JAK1: variants seen among roughly 807,000 people sequenced by gnomAD.
JAK1 encodes the protein Janus kinase 1, also known as tyrosine-protein kinase JAK1.
A neutral mutation model predicts 136.6 loss-of-function variants in JAK1; 16 were observed. The observed-to-expected ratio is 0.12, with a 90% CI of 0.08 to 0.18. The LOEUF is 0.18. JAK1 is among the 10% of genes least tolerant of loss of function. The pLI, the probability that JAK1 is intolerant of heterozygous loss-of-function variation, is 1.00. For missense variants in JAK1, 859 were observed against 1,450.1 expected, an observed-to-expected ratio of 0.59 and a Z score of 6.62; for synonymous variants, 492 against 519.5, an observed-to-expected ratio of 0.95 and a Z score of 0.72.
chr1:65,052,118 A>ATTTTTTTTT (rs71056073), intron 1 of JAK1, among the ~76,000 whole-genome samples: 26 of 93,576 alleles, frequency 2.8e-4, no homozygotes, highest in Admixed American at 6.5e-4. Context: ...ACGCCTGGCT[A>ATTTTTTTTT]TTTTTTTTTT....
At chr1:65,024,660 CAAA>C (rs11349903) in intron 2 of JAK1, among the ~76,000 whole-genome samples, 2 of 69,860 alleles carry the variant, frequency 2.9e-5, no homozygotes, top group Non-Finnish European at 6.0e-5. Flanking sequence ...TGGTCCAAAG[CAAA>C]AAAAAAAAAA....
At chr1:64,850,602 A>C (rs1211637325) in intron 12 of JAK1, among the ~76,000 whole-genome samples, 1 of 152,248 alleles carries the variant, frequency 6.6e-6, no homozygotes, top group Non-Finnish European at 1.5e-5. Context: ...ACTTACCTCA[A>C]AACATGTCTC....
chr1:64,903,324 G>A (rs899528214), intron 1 of JAK1, among the ~76,000 whole-genome samples: 14 of 152,260 alleles, frequency 9.2e-5, no homozygotes, highest in Admixed American at 2.0e-4. Flanking sequence ...ACCGCATCTG[G>A]CCCAAAGTCT....
chr1:64,935,004 TC>T (rs1169482371), intron 1 of JAK1, among the ~76,000 whole-genome samples: 1 of 152,118 alleles, frequency 6.6e-6, no homozygotes, highest in African/African-American at 2.4e-5. Context: ...TGAGGACCAA[TC>T]TATTTCTGGC....
intron 1 of JAK1, among the ~76,000 whole-genome samples, chr1:64,943,064 TAACTC>T (rs1645919455): frequency 1.3e-5 from 2 of 152,182 alleles, no homozygotes. Context: ...TAATGGGAAA[TAACTC>T]AAAAGTCAGA....
At chr1:65,003,379 G>A (rs1254258201) in intron 2 of JAK1, 1 of 152,124 alleles carries the variant, frequency 6.6e-6, no homozygotes, top group Non-Finnish European at 1.5e-5. Context: ...TACATTTTCA[G>A]ACGGTAAAAG....
intron 1 of JAK1, among the ~76,000 whole-genome samples, chr1:64,929,896 A>C (rs1451362639): frequency 6.6e-6 from 1 of 152,226 alleles, no homozygotes; most frequent in Non-Finnish European, 1.5e-5. Context: ...CAACCATCTG[A>C]TCTTTGACGA....
chr1:64,944,113 T>C (rs1645938556), intron 1 of JAK1, among the ~76,000 whole-genome samples: 1 of 150,930 alleles, frequency 6.6e-6, no homozygotes, highest in African/African-American at 2.4e-5. Flanking sequence ...TCCCAGCTAC[T>C]TGGGAGGCTG....
At chr1:64,997,582 C>T (rs959069113) in intron 2 of JAK1, among the ~76,000 whole-genome samples, 5 of 152,152 alleles carry the variant, frequency 3.3e-5, no homozygotes, top group Non-Finnish European at 7.4e-5. Context: ...CTTAGAGCCA[C>T]GCTGGGATTA....
At chr1:64,868,010 AAG>A (rs139348914) in intron 6 of JAK1, among the ~76,000 whole-genome samples, 21 of 146,616 alleles carry the variant, frequency 1.4e-4, no homozygotes, top group Non-Finnish European at 1.7e-4. Flanking sequence ...CCCCACAAAA[AAG>A]AGAGAGAGAG....
At chr1:64,859,729 C>G (rs1656170649) in intron 9 of JAK1, 1 of 157,200 alleles carries the variant, frequency 6.4e-6, no homozygotes, top group East Asian at 1.8e-4. Context: ...ACCTCAGCCT[C>G]TCAAGGAGCT....
intron 1 of JAK1, among the ~76,000 whole-genome samples, chr1:65,065,785 G>A (rs887893705): frequency 2.0e-5 from 3 of 150,946 alleles, no homozygotes; most frequent in Admixed American, 6.6e-5. Context: ...TTAAGCTTAA[G>A]GGGAAAATAA....
chr1:65,022,553 G>GA, intron 2 of JAK1, among the ~76,000 whole-genome samples: 1 of 152,218 alleles, frequency 6.6e-6, no homozygotes, highest in South Asian at 2.1e-4. Flanking sequence ...GTGATGTAAA[G>GA]AAAAAATTAA....
chr1:64,914,713 A>G (rs1054766430), intron 1 of JAK1, among the ~76,000 whole-genome samples: 2 of 152,016 alleles, frequency 1.3e-5, no homozygotes, highest in African/African-American at 2.4e-5. Flanking sequence ...ACAGGTGTGC[A>G]CCACCATGCC....
intron 1 of JAK1, among the ~76,000 whole-genome samples, chr1:64,913,880 T>C (rs1570762012): frequency 1.3e-5 from 2 of 152,296 alleles, no homozygotes; most frequent in African/African-American, 4.8e-5. Flanking sequence ...GGACTGGAGA[T>C]AGCACATTTC....
At chr1:64,966,868 C>G (rs1027681602), upstream of JAK1, among the ~76,000 whole-genome samples, 9 of 152,048 alleles carry the variant, frequency 5.9e-5, no homozygotes, top group Non-Finnish European at 1.3e-4. Flanking sequence ...CTCTGGAGCC[C>G]CCTCCGCCAC....
intron 2 of JAK1, among the ~76,000 whole-genome samples, chr1:64,988,946 G>GTATGTA (rs965679013): frequency 4.7e-5 from 6 of 127,944 alleles, no homozygotes; most frequent in African/African-American, 1.8e-4. Flanking sequence ...ATATATGTAT[G>GTATGTA]TGTATATATA....
intron 9 of JAK1, 148 bp downstream of exon 9, chr1:64,859,957 G>A (rs1483606283): frequency 1.8e-5 from 10 of 562,214 alleles, no homozygotes; most frequent in Non-Finnish European, 3.0e-5. Flanking sequence ...CCTGACCAGA[G>A]CTTGGACAGC....
At chr1:65,010,479 G>A (rs972582090) in intron 2 of JAK1, among the ~76,000 whole-genome samples, 1 of 152,176 alleles carries the variant, frequency 6.6e-6, no homozygotes, top group African/African-American at 2.4e-5. Context: ...CCACGTGGGT[G>A]AGCTTGGAAG....
Sources: gnomAD v4.1 joint callset for allele counts (sites outside exome capture counted in the v4.1 genomes callset) on GRCh38, gnomAD v4.1.1 for gene constraint, MANE v1.5 for transcripts, NCBI Gene and HGNC (gene_info 2026-07-23, HGNC 2026-07-21) for gene names.